The following ANO2 variants were observed in gnomAD, a reference collection of about 807,000 sequenced individuals.
ANO2 encodes anoctamin 2.
In ANO2, 101 loss-of-function variants were observed where a neutral mutation model predicts 124.2. The observed-to-expected ratio is 0.81, with a 90% CI of 0.69 to 0.96. The LOEUF is 0.96. Ranked by LOEUF, ANO2 falls within the 40% of genes least tolerant of loss-of-function variation. ANO2 has a pLI of 0.00. For synonymous variants in ANO2, 486 were observed against 482.5 expected (o/e 1.01, Z -0.09); for missense variants, 1,293 against 1,274.5 (o/e 1.01, Z -0.22).
At chr12:5,637,335 G>A (rs540955100) in intron 15 of ANO2, among the ~76,000 whole-genome samples, 202 of 90,976 alleles carry the variant, frequency 2.2e-3, no homozygotes, top group African/African-American at 7.4e-3. Flanking sequence ...TGAGGAGTGA[G>A]TGAATGTGTG....
intron 10 of ANO2, among the ~76,000 whole-genome samples, chr12:5,768,125 A>G (rs1244845124): frequency 1.3e-5 from 2 of 152,128 alleles, no homozygotes; most frequent in East Asian, 3.9e-4. Context: ...GTAATTTTCT[A>G]AGGGTGTTCT....
At chr12:5,761,222 G>T (rs374171202) in intron 10 of ANO2, among the ~76,000 whole-genome samples, 2 of 151,812 alleles carry the variant, frequency 1.3e-5, no homozygotes, top group African/African-American at 4.8e-5. Flanking sequence ...ATCTTACTAC[G>T]TCTCTGAAAT....
At chr12:5,616,993 C>T (rs1217709612) in intron 16 of ANO2, among the ~76,000 whole-genome samples, 2 of 151,852 alleles carry the variant, frequency 1.3e-5, no homozygotes, top group African/African-American at 4.8e-5. Flanking sequence ...ACCGCATCCT[C>T]CAGACCACAT....
Position 5,612,893 on chromosome 12 carries a change from G to A in ANO2, c.1986+8C>T. Reference sequence around the variant, plus strand: ...TGCCAGGCATGAAACACCAGTGGCTGTACTTGCCTCTTCCATGCGGTAACC... The same window carrying A: ...TGCCAGGCATGAAACACCAGTGGCTATACTTGCCTCTTCCATGCGGTAACC... On this transcript the variant is annotated splice_region_variant and intron_variant, in intron 18 of 24. Transcript: ENST00000682330. 2 of 1,613,884 alleles carry A rather than the reference G, an allele frequency of 1.2e-6. No individual in the cohort carries two copies. Among genetic ancestry groups the A allele is most frequent in the Non-Finnish European group, 1.7e-6 (2 of 1,179,802 alleles).
chr12:5,668,763 C>T (rs566233780), intron 14 of ANO2, among the ~76,000 whole-genome samples: 165 of 152,220 alleles, frequency 1.1e-3, no homozygotes, highest in African/African-American at 2.7e-3. Flanking sequence ...TTTCTGCATA[C>T]GGCTAGCCAG....
chr12:5,641,233 G>C (rs975178057), intron 15 of ANO2, among the ~76,000 whole-genome samples: 2 of 151,758 alleles, frequency 1.3e-5, no homozygotes, highest in African/African-American at 4.9e-5. Context: ...AGGGGGTGGG[G>C]GGCAGGGGGA....
chr12:5,585,359 A>C (rs1444342149), intron 20 of ANO2, among the ~76,000 whole-genome samples: 1 of 152,166 alleles, frequency 6.6e-6, no homozygotes, highest in African/African-American at 2.4e-5. Context: ...GGAAGTCATA[A>C]CAGGAAGGGA....
intron 3 of ANO2, among the ~76,000 whole-genome samples, chr12:5,872,812 C>G (rs1937793357): frequency 1.3e-5 from 2 of 152,142 alleles, no homozygotes; most frequent in Admixed American, 6.5e-5. Flanking sequence ...CCTGTCAGCC[C>G]TCCAAGTTCC....
intron 14 of ANO2, among the ~76,000 whole-genome samples, chr12:5,703,133 T>G (rs980000748): frequency 3.9e-5 from 6 of 152,196 alleles, no homozygotes; most frequent in African/African-American, 7.2e-5. Flanking sequence ...TGATGGCATA[T>G]TAATCCATAG....
chr12:5,682,453 G>A (rs1948536954), intron 14 of ANO2, among the ~76,000 whole-genome samples: 1 of 152,118 alleles, frequency 6.6e-6, no homozygotes, highest in South Asian at 2.1e-4. Context: ...TGGTGACAAT[G>A]GGGCTGGAGG....
chr12:5,863,582 CTG>C (rs773709839), intron 3 of ANO2, among the ~76,000 whole-genome samples: 12 of 152,076 alleles, frequency 7.9e-5, no homozygotes, highest in Admixed American at 1.3e-4. Context: ...ACAAAAGGAC[CTG>C]TGGAAATGTT....
Position 5,563,282 on chromosome 12 carries a change from G to A in ANO2, c.*17C>T, listed in dbSNP as rs1245171425. 2.5e-6 allele frequency: 4 copies of A among 1,587,974 alleles called. No individual in the cohort carries two copies. In the East Asian group the frequency reaches 9.1e-5, roughly 36 times the overall value. On this transcript the variant is annotated 3_prime_UTR_variant, in exon 25 of 25. Coordinates refer to ENST00000682330, the MANE Select transcript of ANO2 (RefSeq NM_001364791.2). ...TGTCTCTGCTGCCGTGCCCTCCTCT[G>A]CTGCAGGCTGAACTGCTCACACATT...
At chr12:5,580,968 T>C (rs750966438) in intron 20 of ANO2, among the ~76,000 whole-genome samples, 6 of 151,986 alleles carry the variant, frequency 3.9e-5, no homozygotes, top group African/African-American at 4.8e-5. Flanking sequence ...CCAACAACGA[T>C]TGGAGGGTGG....
intron 14 of ANO2, among the ~76,000 whole-genome samples, chr12:5,691,791 T>C (rs886244424): frequency 6.6e-6 from 1 of 151,846 alleles, no homozygotes; most frequent in Non-Finnish European, 1.5e-5. Flanking sequence ...TAATTTCAGC[T>C]ACTTGGGAGG....
chr12:5,590,812 A>T (rs1371861302), intron 20 of ANO2, among the ~76,000 whole-genome samples: 1 of 152,188 alleles, frequency 6.6e-6, no homozygotes, highest in East Asian at 1.9e-4. Flanking sequence ...CTGTGTGCCC[A>T]TATGGGGGCC....
chr12:5,899,027 A>G (rs746185934), intron 3 of ANO2, among the ~76,000 whole-genome samples: 42 of 152,336 alleles, frequency 2.8e-4, no homozygotes, highest in Admixed American at 1.2e-3. Context: ...ACCAAGCTGC[A>G]GCCCAAGAAG....
chr12:5,944,484 T>C (rs1221070789), intron 1 of ANO2, among the ~76,000 whole-genome samples: 3 of 152,198 alleles, frequency 2.0e-5, no homozygotes, highest in Middle Eastern at 3.2e-3. Flanking sequence ...TTCATGCCTG[T>C]CTCAAGAATT....
At chr12:5,929,564 TCA>T (rs1942259245) in intron 1 of ANO2, among the ~76,000 whole-genome samples, 1 of 86,058 alleles carries the variant, frequency 1.2e-5, no homozygotes, top group African/African-American at 5.2e-5. Context: ...CCTTCTTTCC[TCA>T]CTCGTCTGCC....
At chr12:5,745,888 G>A (rs1951252584) in intron 11 of ANO2, among the ~76,000 whole-genome samples, 1 of 152,196 alleles carries the variant, frequency 6.6e-6, no homozygotes, top group South Asian at 2.1e-4. Flanking sequence ...CCCAGTTTAT[G>A]TCTTCTGGGT....
Sources: allele counts gnomAD v4.1 joint callset (sites outside exome capture counted in the v4.1 genomes callset), GRCh38; gene constraint gnomAD v4.1.1; transcripts MANE v1.5; gene names NCBI Gene and HGNC (gene_info 2026-07-23, HGNC 2026-07-21).